The following CTXND1 variants were observed in gnomAD, a reference collection of about 807,000 sequenced individuals.
CTXND1 encodes the protein cortexin domain containing 1, also known as cortexin domain-containing 1 protein.
chr15:80,209,689 C>A (rs1292784985), intron 1 of CTXND1, among the ~76,000 whole-genome samples: 2 of 152,144 alleles, frequency 1.3e-5, no homozygotes, highest in Non-Finnish European at 2.9e-5. Flanking sequence ...AAACAAGCAT[C>A]CGAATCAGGA....
rs1383705826 is a variant in CTXND1 at position 80,199,930 on chromosome 15, T to C, written c.*1840A>G. On this transcript the variant is annotated 3_prime_UTR_variant, in exon 3 of 3. Transcript: ENST00000560778. ...TGGATGGGGATGGAAGGCCACAGCT[T>C]GGAGGGATGGAATAAATGCACTCAG... 1 of 152,214 alleles carries C rather than the reference T, an allele frequency of 6.6e-6. No homozygotes were observed. The highest frequency in any genetic ancestry group is 1.9e-4 in the East Asian group (1 of 5,194). 9.4% of individuals were successfully genotyped at this position (152,214 alleles called of 1,614,324 possible). A position where few individuals can be genotyped will look rare whatever the true frequency, so the allele number is the denominator to read the frequency against.
intron 1 of CTXND1, among the ~76,000 whole-genome samples, chr15:80,222,650 T>C (rs1269328598): frequency 6.6e-6 from 1 of 152,222 alleles, no homozygotes; most frequent in Non-Finnish European, 1.5e-5. Flanking sequence ...TAGGAACGTT[T>C]TTGAAATGGG....
chr15:80,230,875 T>C (rs1203561746), intron 1 of CTXND1, among the ~76,000 whole-genome samples: 1 of 152,048 alleles, frequency 6.6e-6, no homozygotes, highest in Non-Finnish European at 1.5e-5. Flanking sequence ...CTGGCCAACA[T>C]GTTGAAACCC....
intron 1 of CTXND1, among the ~76,000 whole-genome samples, chr15:80,207,253 T>C (rs996405245): frequency 5.3e-5 from 8 of 152,112 alleles, no homozygotes; most frequent in Non-Finnish European, 1.0e-4. Flanking sequence ...TTAGACCTTT[T>C]CACTGTGTCA....
intron 1 of CTXND1, among the ~76,000 whole-genome samples, chr15:80,232,294 G>A (rs938853084): frequency 2.0e-5 from 3 of 152,142 alleles, no homozygotes; most frequent in East Asian, 3.9e-4. Flanking sequence ...CAGAGGAATC[G>A]CTTACAGAGT....
intron 1 of CTXND1, among the ~76,000 whole-genome samples, chr15:80,229,175 C>A (rs1893402850): frequency 6.6e-6 from 1 of 152,180 alleles, no homozygotes; most frequent in Admixed American, 6.5e-5. Context: ...TATCCCCACT[C>A]ACCTGGCTCC....
At chr15:80,240,411 A>T (rs1468696526) in intron 1 of CTXND1, among the ~76,000 whole-genome samples, 1 of 152,140 alleles carries the variant, frequency 6.6e-6, no homozygotes, top group Admixed American at 6.5e-5. Flanking sequence ...GGCGTCCCAG[A>T]TTGGAACATG....
chr15:80,248,397 G>A (rs919513801), intron 1 of CTXND1, among the ~76,000 whole-genome samples: 2 of 152,192 alleles, frequency 1.3e-5, no homozygotes, highest in Non-Finnish European at 2.9e-5. Flanking sequence ...GAAAGGGTAA[G>A]GAGAGAAAGA....
At chr15:80,224,892 C>T (rs994350915) in intron 1 of CTXND1, among the ~76,000 whole-genome samples, 3 of 152,272 alleles carry the variant, frequency 2.0e-5, no homozygotes, top group South Asian at 2.1e-4. Context: ...TACAGGCAGC[C>T]GCCACCATGT....
intron 1 of CTXND1, among the ~76,000 whole-genome samples, chr15:80,208,568 G>A (rs892345627): frequency 1.3e-5 from 2 of 151,990 alleles, no homozygotes; most frequent in South Asian, 2.1e-4. Flanking sequence ...TTATGTTATC[G>A]TTTTTGCATT....
rs2041419361 is a variant in CTXND1 at position 80,196,186 on chromosome 15, T to C, written c.*5584A>G. ...ACAAGCTCCCCAGAGATGCCAATGC[T>C]GTCCATCCGTGGACCATAGTTTGAG... On this transcript the variant is annotated 3_prime_UTR_variant, in exon 3 of 3. Transcript: ENST00000560778. 1.3e-5 allele frequency: 2 copies of C among 152,258 alleles called. No individual in the cohort carries two copies. Among genetic ancestry groups the C allele is most frequent in the Non-Finnish European group, 1.5e-5 (1 of 68,048 alleles). The allele number at this position is 152,258 out of a possible 1,614,324, so 9.4% of individuals were successfully genotyped here.
chr15:80,231,581 C>T lies in CTXND1; in HGVS notation c.-218+20426G>A, dbSNP rs572481471. On this transcript the variant is annotated intron_variant, in intron 1 of 2. Coordinates refer to ENST00000560778, the MANE Select transcript of CTXND1 (RefSeq NM_001352888.2). Reference sequence around the variant, plus strand: ...ATAAGGGAGTTTGGAAATTTCTTCTCGAGAAAATAGCTGGCTTGCAAGGCT... The same window carrying T: ...ATAAGGGAGTTTGGAAATTTCTTCTTGAGAAAATAGCTGGCTTGCAAGGCT... Among the ~76,000 whole-genome samples the T allele has an allele frequency of 1.3e-4, 20 of 151,926 alleles. No individual in the cohort carries two copies. The South Asian group carries it at 4.0e-3, about 30-fold the overall frequency.
intron 1 of CTXND1, among the ~76,000 whole-genome samples, chr15:80,208,114 T>C (rs6495481): frequency 0.75 from 114,654 of 152,158 alleles, 43,430 homozygotes; most frequent in East Asian, 0.88. Context: ...TCTTTTGCCC[T>C]GGGATTTTGA....
At chr15:80,227,183 A>G (rs1893381834) in intron 1 of CTXND1, among the ~76,000 whole-genome samples, 1 of 152,220 alleles carries the variant, frequency 6.6e-6, no homozygotes, top group Admixed American at 6.5e-5. Flanking sequence ...CAAGCAAACA[A>G]CTGGTACACA....
chr15:80,208,343 T>A (rs1469681825), intron 1 of CTXND1, among the ~76,000 whole-genome samples: 8 of 152,234 alleles, frequency 5.3e-5, no homozygotes, highest in Non-Finnish European at 1.0e-4. Flanking sequence ...ATCACAAATA[T>A]GATATCATTT....
intron 1 of CTXND1, among the ~76,000 whole-genome samples, chr15:80,231,450 T>C (rs891023179): frequency 6.6e-6 from 1 of 151,486 alleles, no homozygotes; most frequent in Non-Finnish European, 1.5e-5. Flanking sequence ...TCTTCCTGAA[T>C]GCAGCTAATA....
Position 80,252,051 on chromosome 15 carries a change from G to C in CTXND1, c.-262C>G, listed in dbSNP as rs1272149816. ...GCGCTCCCGGGGTCCTGGCTGGGCC[G>C]GCGCCGAGCCCAGGGCGACCGCGGA... On this transcript the variant is annotated 5_prime_UTR_variant, in exon 1 of 3. Coordinates refer to ENST00000560778, the MANE Select transcript of CTXND1 (RefSeq NM_001352888.2). 1.3e-5 allele frequency: 2 copies of C among 151,632 alleles called. No homozygotes were observed. The highest frequency in any genetic ancestry group is 4.8e-5 in the African/African-American group (2 of 41,392). The allele number at this position is 151,632 out of a possible 1,614,324, so 9.4% of individuals were successfully genotyped here.
rs914252684 is a variant in CTXND1, at chr15:80,248,775, G to A, written c.-218+3232C>T. Among the ~76,000 whole-genome samples the A allele has an allele frequency of 1.2e-4, 19 of 152,252 alleles. No individual in the cohort carries two copies. In the South Asian group the frequency reaches 1.9e-3, roughly 15 times the overall value. On this transcript the variant is annotated intron_variant, in intron 1 of 2. Coordinates refer to ENST00000560778, the MANE Select transcript of CTXND1 (RefSeq NM_001352888.2). Reference sequence around the variant, plus strand: ...CACTTGTCAGCTATTAATAATATCAGCCTCTAAATAACAGACAGGTGTCAG... The same window carrying A: ...CACTTGTCAGCTATTAATAATATCAACCTCTAAATAACAGACAGGTGTCAG...
chr15:80,212,066 T>C (rs956510011), intron 1 of CTXND1, among the ~76,000 whole-genome samples: 10 of 152,226 alleles, frequency 6.6e-5, no homozygotes, highest in African/African-American at 2.4e-4. Flanking sequence ...AATGGCTAAC[T>C]TGTGCAGGAG....
Sources: allele counts gnomAD v4.1 joint callset (sites outside exome capture counted in the v4.1 genomes callset), GRCh38; gene constraint gnomAD v4.1.1; transcripts MANE v1.5; gene names NCBI Gene and HGNC (gene_info 2026-07-23, HGNC 2026-07-21).